SLC4A4: variants seen among roughly 807,000 people sequenced by gnomAD.
The protein encoded by SLC4A4 is solute carrier family 4 member 4.
Under a neutral mutation model 111.5 loss-of-function variants are expected in SLC4A4, and 27 were observed. That is an observed-to-expected ratio of 0.24 (90% CI 0.18 to 0.33). The LOEUF is 0.33. Ranked by LOEUF, SLC4A4 falls within the 10% of genes least tolerant of loss-of-function variation. The pLI is 1.00. For missense variants in SLC4A4, 909 were observed against 1,315.5 expected, an observed-to-expected ratio of 0.69 and a Z score of 4.78; for synonymous variants, 443 against 463.4, an observed-to-expected ratio of 0.96 and a Z score of 0.57.
At chr4:71,511,279 G>A (rs1731888841) in intron 16 of SLC4A4, among the ~76,000 whole-genome samples, 1 of 152,062 alleles carries the variant, frequency 6.6e-6, no homozygotes, top group Non-Finnish European at 1.5e-5. Context: ...ATTCTCTTTA[G>A]CATTTCTTGT....
rs966945982 is a variant in SLC4A4, at chr4:71,540,619, T to C, written c.2443-5731T>C. 2.0e-5 allele frequency among the ~76,000 whole-genome samples: 3 copies of C among 152,190 alleles called. No homozygotes were observed. In the South Asian group the frequency reaches 6.2e-4, roughly 31 times the overall value. ...AAAAATTGTTCTACATTGCCGTCTG[T>C]GCCCTGAAGGAGTTTAATGGATTTT... is the stretch of plus-strand genomic sequence containing the variant. On this transcript the variant is annotated intron_variant, in intron 18 of 25. Transcript: ENST00000264485.
At chr4:71,567,668 T>C (rs767255723) in intron 25 of SLC4A4, 120 bp from the exon 26 acceptor site, 2 of 532,024 alleles carry the variant, frequency 3.8e-6, no homozygotes, top group African/African-American at 4.0e-5. Flanking sequence ...ACAAAGAGAA[T>C]ATAAATATTA....
intron 7 of SLC4A4, among the ~76,000 whole-genome samples, chr4:71,413,805 G>C (rs1390206958): frequency 1.3e-5 from 2 of 152,094 alleles, no homozygotes; most frequent in East Asian, 3.9e-4. Context: ...CTGTGATTCA[G>C]ATCAGCTGGG....
intron 2 of SLC4A4, among the ~76,000 whole-genome samples, chr4:71,158,122 TGTG>T (rs1744525520): frequency 6.6e-6 from 1 of 151,532 alleles, no homozygotes. Context: ...TGTGTGTGTG[TGTG>T]TGTGTGTGTG....
At chr4:71,462,628 C>T (rs1038286109) in intron 12 of SLC4A4, among the ~76,000 whole-genome samples, 3 of 151,906 alleles carry the variant, frequency 2.0e-5, no homozygotes, top group Non-Finnish European at 4.4e-5. Context: ...AGGCTGGTCT[C>T]GAACTCCTCA....
rs185338736 is a variant in SLC4A4 at position 71,398,973 on chromosome 4, T to C, written c.807+1320T>C. ...CAACCAACCATGGACAGAATGAAAA[T>C]AAAATTGTGTCTGTGCTGAACACAT... On this transcript the variant is annotated intron_variant, in intron 7 of 25. Coordinates refer to ENST00000264485, the MANE Select transcript of SLC4A4 (RefSeq NM_001098484.3). Among the ~76,000 whole-genome samples the C allele has an allele frequency of 1.9e-3, 292 of 152,290 alleles. 4 individuals are homozygous for C. Among genetic ancestry groups the C allele is most frequent in the Admixed American group, 0.012 (182 of 15,302 alleles).
chr4:71,134,293 A>G (rs998964140), intron 2 of SLC4A4, among the ~76,000 whole-genome samples: 6 of 152,158 alleles, frequency 3.9e-5, no homozygotes, highest in Non-Finnish European at 8.8e-5. Context: ...ATATTCTCCC[A>G]TGTCACTGCT....
chr4:71,136,857 T>TTAAG (rs1430798536), intron 2 of SLC4A4, among the ~76,000 whole-genome samples: 1 of 152,188 alleles, frequency 6.6e-6, no homozygotes, highest in Non-Finnish European at 1.5e-5. Context: ...TGGCACAGTA[T>TTAAG]TAAGCACATT....
At chr4:71,323,180 A>G (rs1244998405) in intron 3 of SLC4A4, among the ~76,000 whole-genome samples, 2 of 152,052 alleles carry the variant, frequency 1.3e-5, no homozygotes. Flanking sequence ...CCTTATAAAT[A>G]TGATTTTAAT....
At chr4:71,108,959 T>C (rs1743017819) in intron 2 of SLC4A4, among the ~76,000 whole-genome samples, 1 of 152,136 alleles carries the variant, frequency 6.6e-6, no homozygotes. Context: ...TTTATCTAGT[T>C]GATCTGCCAT....
chr4:71,115,611 A>G (rs1743223713), intron 2 of SLC4A4, among the ~76,000 whole-genome samples: 1 of 152,198 alleles, frequency 6.6e-6, no homozygotes, highest in South Asian at 2.1e-4. Context: ...GGTTAGGTTT[A>G]GAGGGCAATG....
chr4:71,105,260 T>G (rs1385463135), intron 2 of SLC4A4, among the ~76,000 whole-genome samples: 128 of 149,882 alleles, frequency 8.5e-4, no homozygotes, highest in Middle Eastern at 3.4e-3. Context: ...CACTGCTCAA[T>G]GAAATAAAAG....
intron 12 of SLC4A4, among the ~76,000 whole-genome samples, chr4:71,461,718 G>T (rs1726845809): frequency 6.6e-6 from 1 of 151,746 alleles, no homozygotes; most frequent in South Asian, 2.1e-4. Context: ...TACTATTCTG[G>T]GACTTGTCCT....
chr4:71,509,988 C>G (rs2149172771), intron 16 of SLC4A4, among the ~76,000 whole-genome samples: 1 of 152,102 alleles, frequency 6.6e-6, no homozygotes, highest in East Asian at 1.9e-4. Context: ...AAAGATGGTG[C>G]CATGCCATAG....
chr4:71,430,412 G>A (rs1295091859), intron 7 of SLC4A4, among the ~76,000 whole-genome samples: 1 of 152,056 alleles, frequency 6.6e-6, no homozygotes, highest in Non-Finnish European at 1.5e-5. Flanking sequence ...ATTTCCCAGT[G>A]GGATATAAAG....
At chr4:71,533,459 T>A (rs1448328129) in intron 17 of SLC4A4, among the ~76,000 whole-genome samples, 1 of 152,142 alleles carries the variant, frequency 6.6e-6, no homozygotes. Context: ...TAATTCACAG[T>A]GTTCTATTTT....
At chr4:71,315,933 T>A (rs1726643115) in intron 3 of SLC4A4, among the ~76,000 whole-genome samples, 1 of 152,154 alleles carries the variant, frequency 6.6e-6, no homozygotes, top group Non-Finnish European at 1.5e-5. Flanking sequence ...AGTGGTACAA[T>A]CTTTAGCTTC....
intron 7 of SLC4A4, among the ~76,000 whole-genome samples, chr4:71,404,709 A>G (rs1720679175): frequency 6.6e-6 from 1 of 152,202 alleles, no homozygotes; most frequent in Admixed American, 6.5e-5. Flanking sequence ...TTGTTACAAA[A>G]CCAGAAAACA....
chr4:71,137,086 A>G (rs1743867098), intron 2 of SLC4A4, among the ~76,000 whole-genome samples: 5 of 152,138 alleles, frequency 3.3e-5, no homozygotes, highest in Admixed American at 2.6e-4. Flanking sequence ...TTGTTCACCA[A>G]CTTTCCAAGG....
Sources: allele counts gnomAD v4.1 joint callset (sites outside exome capture counted in the v4.1 genomes callset), GRCh38; gene constraint gnomAD v4.1.1; transcripts MANE v1.5; gene names NCBI Gene and HGNC (gene_info 2026-07-23, HGNC 2026-07-21).